CSGALNACT1: variants seen among roughly 807,000 people sequenced by gnomAD.
CSGALNACT1 encodes the protein chondroitin sulfate N-acetylgalactosaminyltransferase 1, also known as beta4GalNAcT-1.
CSGALNACT1 carries 52 observed loss-of-function variants against 51.0 expected under a neutral mutation model. The ratio of observed to expected loss-of-function variants is 1.02; its 90% confidence interval spans 0.82 to 1.29. The LOEUF is 1.29. CSGALNACT1 is among the 50% of genes most tolerant of loss of function. The pLI, the probability that CSGALNACT1 is intolerant of heterozygous loss-of-function variation, is 0.00. For missense variants in CSGALNACT1, 935 were observed against 679.2 expected (o/e 1.38, Z -4.19); for synonymous variants, 341 against 254.4 (o/e 1.34, Z -3.24).
intron 4 of CSGALNACT1, among the ~76,000 whole-genome samples, chr8:19,488,794 C>G (rs1410353651): frequency 2.0e-5 from 3 of 152,036 alleles, no homozygotes; most frequent in African/African-American, 4.8e-5. Context: ...GAGAAATAAA[C>G]TCAGGAAAAG....
At chr8:19,514,510 T>TATATATATAC (rs1422248108) in intron 3 of CSGALNACT1, among the ~76,000 whole-genome samples, 14 of 133,022 alleles carry the variant, frequency 1.1e-4, no homozygotes, top group Non-Finnish European at 1.6e-4. Context: ...TATATATATA[T>TATATATATAC]ACATGTATCT....
intron 6 of CSGALNACT1, among the ~76,000 whole-genome samples, chr8:19,422,546 T>G (rs1443652236): frequency 1.3e-5 from 2 of 152,260 alleles, no homozygotes; most frequent in Non-Finnish European, 2.9e-5. Flanking sequence ...GCAGGGATTC[T>G]CTTCCTCTTT....
chr8:19,658,364 A>G (rs1292828610), intron 1 of CSGALNACT1, among the ~76,000 whole-genome samples: 1 of 152,212 alleles, frequency 6.6e-6, no homozygotes, highest in African/African-American at 2.4e-5. Context: ...AATATAATTT[A>G]TTATTTCACC....
chr8:19,735,402 G>C (rs913950381), intron 1 of CSGALNACT1, among the ~76,000 whole-genome samples: 4 of 151,762 alleles, frequency 2.6e-5, no homozygotes, highest in African/African-American at 9.7e-5. Flanking sequence ...TTAAATATAG[G>C]CCTCAAAAAA....
At chr8:19,432,894 A>C (rs2059845176) in intron 6 of CSGALNACT1, among the ~76,000 whole-genome samples, 1 of 152,270 alleles carries the variant, frequency 6.6e-6, no homozygotes, top group African/African-American at 2.4e-5. Context: ...ACAACTGATT[A>C]AAAATTTTTG....
At chr8:19,667,007 G>GAAAAGAAAGAAAGAAAGA (rs1312237922) in intron 1 of CSGALNACT1, among the ~76,000 whole-genome samples, 1 of 31,716 alleles carries the variant, frequency 3.2e-5, no homozygotes, top group Non-Finnish European at 5.6e-5. Context: ...AAGAAAGAAA[G>GAAAAGAAAGAAAGAAAGA]AAAGAAAGAA....
At chr8:19,564,414 TTA>T (rs1491103219) in intron 3 of CSGALNACT1, among the ~76,000 whole-genome samples, 1 of 146,896 alleles carries the variant, frequency 6.8e-6, no homozygotes, top group African/African-American at 2.6e-5. Flanking sequence ...TTTTTTTTTT[TTA>T]AAGTTCCTGC....
At chr8:19,484,674 T>C (rs536205570) in intron 4 of CSGALNACT1, among the ~76,000 whole-genome samples, 1 of 152,320 alleles carries the variant, frequency 6.6e-6, no homozygotes, top group Non-Finnish European at 1.5e-5. Flanking sequence ...TGGGCTGAAG[T>C]GTGTCTCCCC....
At chr8:19,496,876 T>C (rs1370951317) in intron 4 of CSGALNACT1, among the ~76,000 whole-genome samples, 1 of 152,134 alleles carries the variant, frequency 6.6e-6, no homozygotes, top group African/African-American at 2.4e-5. Flanking sequence ...CAATGGGTGC[T>C]AATAAAAATG....
At chr8:19,551,751 CA>C (rs10715051) in intron 3 of CSGALNACT1, among the ~76,000 whole-genome samples, 26,996 of 152,074 alleles carry the variant, frequency 0.18, 2,422 homozygotes, top group Middle Eastern at 0.24. Context: ...TGCCATCTCC[CA>C]AAAATTTGTT....
chr8:19,620,417 G>T (rs1257083201), intron 1 of CSGALNACT1, among the ~76,000 whole-genome samples: 1 of 150,166 alleles, frequency 6.7e-6, no homozygotes, highest in East Asian at 1.9e-4. Context: ...ATTTCCAAGG[G>T]CTGGAAAAGA....
chr8:19,623,377 T>C (rs2054068682), intron 1 of CSGALNACT1, among the ~76,000 whole-genome samples: 2 of 152,336 alleles, frequency 1.3e-5, no homozygotes, highest in Admixed American at 6.5e-5. Context: ...TGAAGATATT[T>C]TGAACAAAAA....
At chr8:19,439,372 C>T (rs772159867) in intron 6 of CSGALNACT1, among the ~76,000 whole-genome samples, 4 of 152,172 alleles carry the variant, frequency 2.6e-5, no homozygotes, top group Non-Finnish European at 4.4e-5. Flanking sequence ...CGAATGAAAG[C>T]CCAAAGGGTG....
At position 19,740,397 on chromosome 8, in the gene CSGALNACT1, G is replaced by A. The variant is rs540167098; in HGVS notation, c.-297+17453C>T. Among the ~76,000 whole-genome samples the A allele has an allele frequency of 2.0e-5, 3 of 152,322 alleles. No individual in the cohort carries two copies. In the South Asian group the frequency reaches 6.2e-4, roughly 32 times the overall value. ...TGCTCTCTCTAGGCTTGGGGTGGGGGCAGCACCCCCACAACCCTTCCTCCA... is the reference window on the plus strand; with the variant it reads ...TGCTCTCTCTAGGCTTGGGGTGGGGACAGCACCCCCACAACCCTTCCTCCA... On this transcript the variant is annotated intron_variant, in intron 1 of 1. Coordinates refer to the CSGALNACT1 transcript ENST00000517494.
intron 1 of CSGALNACT1, chr8:19,732,516 G>A (rs1322321885): frequency 6.6e-6 from 1 of 152,166 alleles, no homozygotes; most frequent in Non-Finnish European, 1.5e-5. Flanking sequence ...ATAAAAAGCA[G>A]CCATATATGT....
chr8:19,545,069 G>A (rs73214608), intron 3 of CSGALNACT1, among the ~76,000 whole-genome samples: 24,427 of 151,880 alleles, frequency 0.16, 2,062 homozygotes, highest in Non-Finnish European at 0.17. Context: ...AGCGACTCCT[G>A]GGAGTTGTTC....
At chr8:19,711,737 C>T (rs1265172068) in intron 1 of CSGALNACT1, among the ~76,000 whole-genome samples, 1 of 152,176 alleles carries the variant, frequency 6.6e-6, no homozygotes, top group Non-Finnish European at 1.5e-5. Context: ...CAATAATTCA[C>T]TTCCATTCCA....
intron 3 of CSGALNACT1, among the ~76,000 whole-genome samples, chr8:19,557,699 C>A (rs529494566): frequency 6.6e-6 from 1 of 152,168 alleles, no homozygotes; most frequent in South Asian, 2.1e-4. Context: ...AACAGCACCC[C>A]CTGTCAACTC....
intron 5 of CSGALNACT1, among the ~76,000 whole-genome samples, chr8:19,450,950 C>G (rs747606491): frequency 2.0e-5 from 3 of 152,028 alleles, no homozygotes; most frequent in Non-Finnish European, 4.4e-5. Flanking sequence ...AAAAAAAGGA[C>G]TCACACAGCA....
Sources: gnomAD v4.1 joint callset for allele counts (sites outside exome capture counted in the v4.1 genomes callset) on GRCh38, gnomAD v4.1.1 for gene constraint, MANE v1.5 for transcripts, NCBI Gene and HGNC (gene_info 2026-07-23, HGNC 2026-07-21) for gene names.